Variants in ARHGAP28 observed in about 807,000 individuals in gnomAD.
The protein encoded by ARHGAP28 is Rho GTPase activating protein 28.
Under a neutral mutation model 90.7 loss-of-function variants are expected in ARHGAP28, and 56 were observed. The observed-to-expected ratio is 0.62, with a 90% CI of 0.50 to 0.77. ARHGAP28 has a LOEUF of 0.77. ARHGAP28 is among the 30% of genes least tolerant of loss of function. The pLI is 0.00. For synonymous variants in ARHGAP28, 308 were observed against 323.3 expected (o/e 0.95, Z 0.51); for missense variants, 869 against 900.9 (o/e 0.96, Z 0.45).
At chr18:6,900,145 C>T (rs1420768430) in intron 16 of ARHGAP28, among the ~76,000 whole-genome samples, 2 of 152,124 alleles carry the variant, frequency 1.3e-5, no homozygotes. Context: ...CAGCAAGAAG[C>T]TGAACATACT....
chr18:6,903,614 T>G (rs2057348935), intron 16 of ARHGAP28, among the ~76,000 whole-genome samples: 1 of 151,650 alleles, frequency 6.6e-6, no homozygotes, highest in South Asian at 2.1e-4. Context: ...GGGTGGATCA[T>G]GAGGTCAGGA....
chr18:6,855,501 AGT>A (rs2056945708), intron 4 of ARHGAP28, among the ~76,000 whole-genome samples: 1 of 152,174 alleles, frequency 6.6e-6, no homozygotes, highest in African/African-American at 2.4e-5. Context: ...TCTGTCACTC[AGT>A]GAAGCTCCTC....
At position 6,802,132 on chromosome 18, in the gene ARHGAP28, A is replaced by G. The variant is rs73382761; in HGVS notation, c.123-22630A>G. 1.7e-3 allele frequency among the ~76,000 whole-genome samples: 256 copies of G among 152,216 alleles called. 1 individual carries two copies. Among genetic ancestry groups the G allele is most frequent in the African/African-American group, 5.9e-3 (247 of 41,520 alleles). On this transcript the variant is annotated intron_variant, in intron 1 of 17. Transcript: ENST00000383472. ...TAATAATATTCCATTGTGTAGGTATACCACATTTTCTTTATCCATTTATCC... is the reference window on the plus strand; with the variant it reads ...TAATAATATTCCATTGTGTAGGTATGCCACATTTTCTTTATCCATTTATCC...
At chr18:6,843,660 A>G (rs995308699) in intron 3 of ARHGAP28, among the ~76,000 whole-genome samples, 3 of 152,170 alleles carry the variant, frequency 2.0e-5, no homozygotes, top group African/African-American at 7.2e-5. Context: ...TAGCCTGTGC[A>G]TTTTGCTATC....
At chr18:6,827,532 G>A (rs1250851325) in intron 2 of ARHGAP28, among the ~76,000 whole-genome samples, 3 of 145,544 alleles carry the variant, frequency 2.1e-5, no homozygotes, top group African/African-American at 5.1e-5. Context: ...GCGGCTGACC[G>A]GGCGGGGGGC....
chr18:6,783,609 T>C (rs186221203), intron 1 of ARHGAP28, among the ~76,000 whole-genome samples: 2 of 152,198 alleles, frequency 1.3e-5, no homozygotes, highest in Non-Finnish European at 2.9e-5. Flanking sequence ...CCTGGGTATT[T>C]ACTTTTAACC....
chr18:6,870,753 T>C, intron 7 of ARHGAP28, 21 bp downstream of exon 7: 4 of 1,580,070 alleles, frequency 2.5e-6, no homozygotes, highest in Non-Finnish European at 3.4e-6. Context: ...CCTTTCATGA[T>C]TATTCCAGGA....
At chr18:6,885,199 C>T (rs191995690) in intron 11 of ARHGAP28, among the ~76,000 whole-genome samples, 5 of 152,318 alleles carry the variant, frequency 3.3e-5, no homozygotes, top group African/African-American at 7.2e-5. Flanking sequence ...CACATTCCTT[C>T]GTATGACTTT....
In ARHGAP28 at chr18:6,837,429, A is replaced by C. The variant is rs2056762472; in HGVS notation, c.543+15A>C. ...GTGAATCTCCTGTAAGTAATGGCTC[A>C]AACATGGCTCAAAAGGCGCCTAGTT... On this transcript the variant is annotated intron_variant, in intron 3 of 17. Transcript: ENST00000383472. 3 of 1,598,946 alleles carry C rather than the reference A, an allele frequency of 1.9e-6. No individual in the cohort carries two copies. The highest frequency in any genetic ancestry group is 2.6e-6 in the Non-Finnish European group (3 of 1,166,538).
intron 2 of ARHGAP28, among the ~76,000 whole-genome samples, chr18:6,828,579 C>G (rs2056692777): frequency 6.6e-6 from 1 of 152,088 alleles, no homozygotes; most frequent in Admixed American, 6.5e-5. Context: ...ATCTTTAATC[C>G]ATCTTGAGTT....
chr18:6,753,363 C>G (rs1477147262), intron 1 of ARHGAP28, among the ~76,000 whole-genome samples: 1 of 152,084 alleles, frequency 6.6e-6, no homozygotes, highest in Non-Finnish European at 1.5e-5. Context: ...CCTATTTTAT[C>G]GAATGCAAAG....
intron 16 of ARHGAP28, among the ~76,000 whole-genome samples, chr18:6,907,526 G>A (rs371145421): frequency 1.8e-4 from 27 of 150,318 alleles, no homozygotes; most frequent in African/African-American, 6.4e-4. Flanking sequence ...TTTATGCCAA[G>A]TGGGGAAAAA....
At chr18:6,798,697 G>A (rs2056460289) in intron 1 of ARHGAP28, among the ~76,000 whole-genome samples, 2 of 152,194 alleles carry the variant, frequency 1.3e-5, no homozygotes, top group Non-Finnish European at 2.9e-5. Context: ...GAGGGAGGGT[G>A]AGGAATAAAA....
rs543496339 is a variant in ARHGAP28, at chr18:6,915,478, T to C, written c.*3324T>C. ...GGATTAAAATGTTTGTTTTCAAGCATTTTTAACAGTTTTACACACTTACAT... is the reference window on the plus strand; with the variant it reads ...GGATTAAAATGTTTGTTTTCAAGCACTTTTAACAGTTTTACACACTTACAT... On this transcript the variant is annotated 3_prime_UTR_variant, in exon 18 of 18. Coordinates refer to ENST00000383472, the MANE Select transcript of ARHGAP28 (RefSeq NM_001366230.1). The C allele has an allele frequency of 6.6e-6, 1 of 152,168 alleles. No individual in the cohort carries two copies. The highest frequency in any genetic ancestry group is 1.5e-5 in the Non-Finnish European group (1 of 68,038). 9.4% of individuals were successfully genotyped at this position (152,168 alleles called of 1,614,324 possible).
intron 1 of ARHGAP28, among the ~76,000 whole-genome samples, chr18:6,796,618 T>C (rs931551182): frequency 2.6e-5 from 4 of 152,204 alleles, no homozygotes; most frequent in African/African-American, 9.6e-5. Flanking sequence ...CGCTCTCTTT[T>C]CTTTCCTCTC....
intron 5 of ARHGAP28, among the ~76,000 whole-genome samples, chr18:6,863,886 G>A (rs961139346): frequency 6.7e-6 from 1 of 149,154 alleles, no homozygotes; most frequent in Non-Finnish European, 1.5e-5. Flanking sequence ...GGGTTCAAGC[G>A]ATTGTCCTTC....
intron 11 of ARHGAP28, among the ~76,000 whole-genome samples, chr18:6,883,135 G>A (rs1263009471): frequency 6.6e-6 from 1 of 152,122 alleles, no homozygotes; most frequent in Non-Finnish European, 1.5e-5. Flanking sequence ...CCCATCTAGA[G>A]ACATTGACCA....
At chr18:6,910,223 C>T (rs1329891283) in intron 17 of ARHGAP28, among the ~76,000 whole-genome samples, 3 of 152,206 alleles carry the variant, frequency 2.0e-5, no homozygotes, top group African/African-American at 7.2e-5. Flanking sequence ...CCCTAAGCTT[C>T]TGACTGTCTT....
intron 3 of ARHGAP28, among the ~76,000 whole-genome samples, chr18:6,840,069 G>A (rs2056793569): frequency 6.6e-6 from 1 of 152,144 alleles, no homozygotes; most frequent in South Asian, 2.1e-4. Flanking sequence ...CCCCCGAAGT[G>A]GATCCCAAAG....
Sources: allele counts gnomAD v4.1 joint callset (sites outside exome capture counted in the v4.1 genomes callset), GRCh38; gene constraint gnomAD v4.1.1; transcripts MANE v1.5; gene names NCBI Gene and HGNC (gene_info 2026-07-23, HGNC 2026-07-21).